PDE4D: variants seen among roughly 807,000 people sequenced by gnomAD.
PDE4D encodes 3',5'-cyclic-AMP phosphodiesterase 4D.
Under a neutral mutation model 87.4 loss-of-function variants are expected in PDE4D, and 24 were observed. The observed-to-expected ratio is 0.27, with a 90% confidence interval of 0.20 to 0.39. The LOEUF (loss-of-function observed/expected upper bound fraction) is 0.39, where lower values mean the gene tolerates loss of function less well. PDE4D is among the 10% of genes least tolerant of loss of function. PDE4D has a pLI of 1.00. For missense variants in PDE4D, 714 were observed against 1,041.0 expected (o/e 0.69, Z 4.32); for synonymous variants, 384 against 383.2 (o/e 1.00, Z -0.02).
chr5:58,993,549 T>C (rs1580157745), intron 6 of PDE4D, 84 bp from the exon 7 acceptor site: 4 of 812,998 alleles, frequency 4.9e-6, no homozygotes, highest in Non-Finnish European at 7.8e-6. Flanking sequence ...TACAGGAAGA[T>C]ATGCCCAAAG....
chr5:59,343,814 G>T (rs1779175554), intron 1 of PDE4D, among the ~76,000 whole-genome samples: 1 of 152,090 alleles, frequency 6.6e-6, no homozygotes, highest in Admixed American at 6.6e-5. Flanking sequence ...GAATGAGAAG[G>T]TTGAGGACCC....
chr5:60,375,430 G>A (rs1211113312), intron 1 of PDE4D, among the ~76,000 whole-genome samples: 1 of 152,086 alleles, frequency 6.6e-6, no homozygotes, highest in Non-Finnish European at 1.5e-5. Flanking sequence ...TTATTATGTA[G>A]GGATCATTAT....
intron 5 of PDE4D, among the ~76,000 whole-genome samples, chr5:59,083,478 C>T (rs544891224): frequency 1.3e-5 from 2 of 151,878 alleles, no homozygotes; most frequent in African/African-American, 4.8e-5. Flanking sequence ...TTTACTTTTC[C>T]ATCATATTTT....
At chr5:59,871,245 A>G (rs1334506293) in intron 1 of PDE4D, among the ~76,000 whole-genome samples, 2 of 152,190 alleles carry the variant, frequency 1.3e-5, no homozygotes, top group African/African-American at 4.8e-5. Flanking sequence ...AGAAGTCAGA[A>G]GTCAGAGTTT....
At chr5:59,695,815 C>T (rs1035335048) in intron 1 of PDE4D, among the ~76,000 whole-genome samples, 2 of 151,142 alleles carry the variant, frequency 1.3e-5, no homozygotes, top group African/African-American at 4.8e-5. Context: ...CACCACGTTG[C>T]TCAGGCTGGT....
At chr5:60,188,203 C>T (rs1446406758) in intron 1 of PDE4D, 2 of 152,270 alleles carry the variant, frequency 1.3e-5, no homozygotes, top group South Asian at 2.1e-4. Flanking sequence ...AGACAGCATA[C>T]TTTTATTAGG....
At chr5:60,348,004 A>G (rs1758874335) in intron 1 of PDE4D, among the ~76,000 whole-genome samples, 1 of 152,152 alleles carries the variant, frequency 6.6e-6, no homozygotes, top group Non-Finnish European at 1.5e-5. Flanking sequence ...TTAAATGGGC[A>G]TGACCTAAAT....
At chr5:59,496,892 G>C (rs2153662685) in intron 1 of PDE4D, among the ~76,000 whole-genome samples, 1 of 152,198 alleles carries the variant, frequency 6.6e-6, no homozygotes, top group African/African-American at 2.4e-5. Context: ...AGGCAAACGC[G>C]CTGAAGGAGG....
chr5:59,609,855 G>A (rs1828753214), intron 1 of PDE4D, among the ~76,000 whole-genome samples: 1 of 152,098 alleles, frequency 6.6e-6, no homozygotes, highest in South Asian at 2.1e-4. Flanking sequence ...TGTGGTGACT[G>A]GCATATGAAC....
At chr5:59,291,738 GTTTTT>G (rs57769300) in intron 1 of PDE4D, among the ~76,000 whole-genome samples, 1 of 125,576 alleles carries the variant, frequency 8.0e-6, no homozygotes, top group Non-Finnish European at 1.7e-5. Context: ...GTAAAAAGAA[GTTTTT>G]TTTTTTTTTT....
chr5:59,106,528 C>T (rs1196733085), intron 5 of PDE4D, among the ~76,000 whole-genome samples: 6 of 151,836 alleles, frequency 4.0e-5, no homozygotes, highest in East Asian at 1.9e-4. Flanking sequence ...TTTGGGAGGC[C>T]GAGGCAGTTG....
At chr5:59,572,470 GTTTTGT>G (rs527505513) in intron 1 of PDE4D, among the ~76,000 whole-genome samples, 328 of 149,298 alleles carry the variant, frequency 2.2e-3, no homozygotes, top group African/African-American at 7.3e-3. Flanking sequence ...GTTTTGTTTT[GTTTTGT>G]TTTTGTTTTT....
chr5:60,239,783 C>G (rs543739069), intron 1 of PDE4D, among the ~76,000 whole-genome samples: 9 of 152,124 alleles, frequency 5.9e-5, no homozygotes, highest in Non-Finnish European at 1.2e-4. Flanking sequence ...TTGTCTTTTG[C>G]TGGGTTACAC....
chr5:59,603,218 C>T (rs1277184468), intron 1 of PDE4D, among the ~76,000 whole-genome samples: 2 of 151,864 alleles, frequency 1.3e-5, no homozygotes, highest in African/African-American at 2.4e-5. Flanking sequence ...AAGAGACAGC[C>T]TACAGATTAG....
chr5:60,309,667 A>C (rs910085996), intron 1 of PDE4D, among the ~76,000 whole-genome samples: 20 of 152,196 alleles, frequency 1.3e-4, no homozygotes, highest in Non-Finnish European at 2.5e-4. Flanking sequence ...ACAGGAAAAA[A>C]CGACTCATTT....
At chr5:59,516,619 G>T (rs1338015742) in intron 1 of PDE4D, among the ~76,000 whole-genome samples, 1 of 151,938 alleles carries the variant, frequency 6.6e-6, no homozygotes, top group Admixed American at 6.6e-5. Context: ...TCCAACACTT[G>T]TTGTGATCAA....
upstream of PDE4D, among the ~76,000 whole-genome samples, chr5:59,896,339 G>A (rs1207907762): frequency 1.3e-5 from 2 of 151,994 alleles, no homozygotes; most frequent in East Asian, 3.9e-4. Context: ...AGTCTTGGCT[G>A]TACCTAGGGA....
intron 2 of PDE4D, among the ~76,000 whole-genome samples, chr5:60,111,763 A>G (rs1231540438): frequency 6.6e-6 from 1 of 151,998 alleles, no homozygotes; most frequent in African/African-American, 2.4e-5. Flanking sequence ...AGAAAAATAT[A>G]CCTTGTGATA....
chr5:59,098,064 A>C (rs977539631), intron 5 of PDE4D, among the ~76,000 whole-genome samples: 5 of 152,150 alleles, frequency 3.3e-5, no homozygotes, highest in African/African-American at 7.2e-5. Context: ...ATATTTTTTA[A>C]ATTCTGTGGT....
Sources: gnomAD v4.1 joint callset for allele counts (sites outside exome capture counted in the v4.1 genomes callset) on GRCh38, gnomAD v4.1.1 for gene constraint, MANE v1.5 for transcripts, NCBI Gene and HGNC (gene_info 2026-07-23, HGNC 2026-07-21) for gene names.